The following USP5 variants were observed in gnomAD, a reference collection of about 807,000 sequenced individuals.
USP5 encodes ubiquitin carboxyl-terminal hydrolase 5.
USP5 carries 24 observed loss-of-function variants against 102.5 expected under a neutral mutation model. The observed-to-expected ratio is 0.23, with a 90% CI of 0.17 to 0.33. The LOEUF (loss-of-function observed/expected upper bound fraction) is 0.33, where lower values mean the gene tolerates loss of function less well. Among genes scored for constraint, USP5 ranks in the 10% least tolerant of loss-of-function variants. The pLI is 1.00. For missense variants in USP5, 753 were observed against 1,122.1 expected (o/e 0.67, Z 4.70); for synonymous variants, 460 against 434.8 (o/e 1.06, Z -0.72).
At position 6,860,179 on chromosome 12, in the gene USP5, G is replaced by A; in HGVS notation, c.1159G>A (p.Gly387Arg). The A allele has an allele frequency of 6.2e-7, 1 of 1,607,246 alleles. No individual in the cohort carries two copies. The highest frequency in any genetic ancestry group is 8.5e-7 in the Non-Finnish European group (1 of 1,178,140). The change falls in exon 10 of 20, where the codon GGG (glycine) becomes AGG (arginine). Residue 387 changes from glycine to arginine, a missense_variant. Physicochemically the swap from Gly to Arg is moderately radical, Grantham distance 125. Transcript: ENST00000229268. This position sits in a 1 kb window ranked among gnomAD's most constrained non-coding sequence, Gnocchi z 5.5. The stretch of plus-strand genomic sequence containing the variant: ...CAAGCTGGGCCATGGCCTTCTCTCC[G>A]GGGAGTATTCCAAGCCAGTACCGGA... ...VAKLGHGLLS[G>R]EYSKPVPESG...
At position 6,866,015 on chromosome 12, in the gene USP5, G is replaced by A. The variant is rs1296603713; in HGVS notation, c.2515G>A (p.Ala839Thr). ...WVIYNDQKVC[A>T]SEKPPKDLGY... Reference sequence around the variant, plus strand: ...GATCTACAATGACCAGAAAGTGTGTGCCTCCGAGAAGCCGCCCAAGGACCT... The same window carrying A: ...GATCTACAATGACCAGAAAGTGTGTACCTCCGAGAAGCCGCCCAAGGACCT... Residue 839 changes from alanine to threonine, a missense_variant, in exon 20 of 20, where the codon GCC becomes ACC. Ala to Thr is a moderately conservative substitution (Grantham distance 58). Around this residue, in one of 3 missense-constraint regions of USP5, gnomAD observed 33 missense variants for 75.3 expected, o/e 0.44. Transcript: ENST00000229268. The surrounding 1 kb of genome is among the most constrained non-coding windows in gnomAD (Gnocchi z 4.7). 2 of 1,614,140 alleles carry A rather than the reference G, an allele frequency of 1.2e-6. No individual in the cohort carries two copies. Among genetic ancestry groups the A allele is most frequent in the East Asian group, 4.5e-5 (2 of 44,888 alleles).
rs1555129914 is a variant in USP5 at position 6,863,171 on chromosome 12, AC to A, written c.1763-12del. ...TAGGCCTCCGGGAGCTGCTGAGGTG[AC>A]CCTTTTCCCACAGATGTGTCCATCG... is the stretch of plus-strand genomic sequence containing the variant. On this transcript the variant is annotated splice_polypyrimidine_tract_variant and intron_variant, in intron 14 of 19. Transcript: ENST00000229268. The surrounding 1 kb of genome is among the most constrained non-coding windows in gnomAD (Gnocchi z 4.7). The A allele has an allele frequency of 1.3e-6, 2 of 1,599,738 alleles. No individual in the cohort carries two copies. The highest frequency in any genetic ancestry group is 2.2e-5 in the East Asian group (1 of 44,676).
chr12:6,852,240 G>C lies in USP5; in HGVS notation c.61G>C (p.Ala21Pro), dbSNP rs200956770. The C allele has an allele frequency of 1.9e-6, 3 of 1,613,136 alleles. No individual in the cohort carries two copies. Among genetic ancestry groups the C allele is most frequent in the African/African-American group, 1.3e-5 (1 of 74,928 alleles). The change falls in exon 1 of 20, where the codon GCT becomes CCT. Residue 21 changes from alanine (A) to proline (P), a missense_variant. This residue lies in a region of USP5 where 527 missense variants were observed against 816.5 expected (regional missense o/e 0.65). Coordinates refer to ENST00000229268, the MANE Select transcript of USP5 (RefSeq NM_001098536.2). ...SVLPTIRVPK[A>P]GDRVHKDECA... Reference sequence around the variant, plus strand: ...ATTACCGACGATCCGGGTCCCTAAGGCTGGAGACCGGGTCCACAAAGACGA... The same window carrying C: ...ATTACCGACGATCCGGGTCCCTAAGCCTGGAGACCGGGTCCACAAAGACGA...
rs1944333715 is a variant in USP5, at chr12:6,863,418, A to G, written c.1954+41A>G. ...TCCTGCCTGTCTCTCTCCCGTGCTGATGGGGGCCTCTCTGCCTTGCATCCC... is the reference window on the plus strand; with the variant it reads ...TCCTGCCTGTCTCTCTCCCGTGCTGGTGGGGGCCTCTCTGCCTTGCATCCC... On this transcript the variant is annotated intron_variant, in intron 15 of 19. Transcript: ENST00000229268. The surrounding 1 kb of genome is among the most constrained non-coding windows in gnomAD (Gnocchi z 4.7). 1.3e-6 allele frequency: 2 copies of G among 1,588,136 alleles called. No individual in the cohort carries two copies. The highest frequency in any genetic ancestry group is 8.6e-7 in the Non-Finnish European group (1 of 1,163,726).
Position 6,852,203 on chromosome 12 carries a change from G to A in USP5, c.24G>A (p.Ala8=), listed in dbSNP as rs1555127001. 6.2e-7 allele frequency: 1 copy of A among 1,612,416 alleles called. No individual in the cohort carries two copies. Among genetic ancestry groups the A allele is most frequent in the Non-Finnish European group, 8.5e-7 (1 of 1,179,456 alleles). Residue 8 remains alanine (A), a synonymous_variant, in exon 1 of 20, where the codon GCG becomes GCA. Coordinates refer to ENST00000229268, the MANE Select transcript of USP5 (RefSeq NM_001098536.2). ...TCATGGCGGAGCTGAGTGAGGAGGC[G>A]CTGCTGTCAGTATTACCGACGATCC... MAELSEE[A]LLSVLPTIRV... is the part of the protein sequence containing the mutation.
At position 6,861,512 on chromosome 12, in the gene USP5, T is replaced by C. The variant is rs782790631; in HGVS notation, c.1568T>C (p.Val523Ala). ...GAGAAGATGGCACTGCCAGAACTGG[T>C]TCGGGCCCAGGTGCCCTTCAGCTCT... ...EEEKMALPEL[V>A]RAQVPFSSCL... The change falls in exon 13 of 20, where the codon GTT becomes GCT. Residue 523 changes from valine (V) to alanine (A), a missense_variant. Around this residue, in one of 3 missense-constraint regions of USP5, gnomAD observed 527 missense variants for 816.5 expected, o/e 0.65. Coordinates refer to ENST00000229268, the MANE Select transcript of USP5 (RefSeq NM_001098536.2). This position sits in a 1 kb window ranked among gnomAD's most constrained non-coding sequence, Gnocchi z 4.9. 6.2e-7 allele frequency: 1 copy of C among 1,602,102 alleles called. No individual in the cohort carries two copies. Among genetic ancestry groups the C allele is most frequent in the South Asian group, 1.1e-5 (1 of 90,724 alleles).
rs782075805 is a variant in USP5 at position 6,858,096 on chromosome 12, C to T, written c.865-328C>T. Among the ~76,000 whole-genome samples the T allele has an allele frequency of 3.3e-5, 5 of 152,318 alleles. No homozygotes were observed. The highest frequency in any genetic ancestry group is 9.6e-5 in the African/African-American group (4 of 41,572). On this transcript the variant is annotated intron_variant, in intron 7 of 19. Coordinates refer to ENST00000229268, the MANE Select transcript of USP5 (RefSeq NM_001098536.2). The surrounding 1 kb of genome is among the most constrained non-coding windows in gnomAD (Gnocchi z 4.2). ...GGGTGGCCTGGCCTAGTTTAGGGAT[C>T]AGGGACATTTCCCTGAGGAAGCGAT...
In USP5 at chr12:6,864,152, T is replaced by C; in HGVS notation, c.2201T>C (p.Met734Thr). The change falls in exon 17 of 20, where the codon ATG becomes ACG. Residue 734 changes from methionine to threonine, a missense_variant. Around this residue, in one of 3 missense-constraint regions of USP5, gnomAD observed 193 missense variants for 230.2 expected, o/e 0.84. Transcript: ENST00000229268. This position sits in a 1 kb window ranked among gnomAD's most constrained non-coding sequence, Gnocchi z 4.8. ...GACTGTGTGACCACCATTGTCTCCA[T>C]GGGCTTCTCCCGGGACCAGGCCTTG... ...PEDCVTTIVS[M>T]GFSRDQALKA... 1 of 1,613,784 alleles carries C rather than the reference T, an allele frequency of 6.2e-7. No homozygotes were observed. The highest frequency in any genetic ancestry group is 8.5e-7 in the Non-Finnish European group (1 of 1,179,826).
Position 6,863,496 on chromosome 12 carries a change from C to T in USP5, c.1954+119C>T, listed in dbSNP as rs1461689061. ...TCCTCCCTTTCAAATTTCCTCTGCC[C>T]TCTTTGATTGACATGGGGCCTCCCC... is the stretch of plus-strand genomic sequence containing the variant. On this transcript the variant is annotated intron_variant, in intron 15 of 19. Coordinates refer to ENST00000229268, the MANE Select transcript of USP5 (RefSeq NM_001098536.2). The surrounding 1 kb of genome is among the most constrained non-coding windows in gnomAD (Gnocchi z 4.7). 1.5e-6 allele frequency: 2 copies of T among 1,294,884 alleles called. No homozygotes were observed. Among genetic ancestry groups the T allele is most frequent in the East Asian group, 2.4e-5 (1 of 42,302 alleles). The allele number at this position is 1,294,884 out of a possible 1,614,324, so 80.2% of individuals were successfully genotyped here. A position where few individuals can be genotyped will look rare whatever the true frequency, so the allele number is the denominator to read the frequency against.
intron 6 of USP5, 110 bp from the exon 7 acceptor site, chr12:6,857,519 T>C: frequency 1.1e-6 from 1 of 878,162 alleles, no homozygotes. Context: ...AGGGTGGACC[T>C]TACTGGCTCT....
At chr12:6,865,946 A>C in intron 19 of USP5, 38 bp from the exon 20 acceptor site, 1 of 1,577,750 alleles carries the variant, frequency 6.3e-7, no homozygotes, top group Non-Finnish European at 8.7e-7. Flanking sequence ...TTGAATGCCC[A>C]GTTTGTTCAT....
Position 6,864,942 on chromosome 12 carries a change from A to C in USP5, c.2398+67A>C. On this transcript the variant is annotated intron_variant, in intron 18 of 19. Transcript: ENST00000229268. This position sits in a 1 kb window ranked among gnomAD's most constrained non-coding sequence, Gnocchi z 4.8. ...GTCAGTCTACTACACCAGATCCCTC[A>C]TTCAGGCAGCTCTGCCCTCCTCAGG... 3.2e-6 allele frequency: 5 copies of C among 1,563,716 alleles called. No homozygotes were observed. Among genetic ancestry groups the C allele is most frequent in the Non-Finnish European group, 4.3e-6 (5 of 1,151,936 alleles).
intron 7 of USP5, 23 bp downstream of exon 7, chr12:6,857,746 ATTC>A: frequency 1.2e-6 from 2 of 1,612,998 alleles, no homozygotes; most frequent in South Asian, 1.1e-5. Context: ...TCAACTTCAG[ATTC>A]TTCTACTTCC....
chr12:6,856,001 T>C lies in USP5; in HGVS notation c.305-16T>C, dbSNP rs1565529785. ...TGTCATTGCTCTACTCTCCCTCTTC[T>C]TCCCTATCCTTCCAGGTGTTGAAGG... On this transcript the variant is annotated splice_polypyrimidine_tract_variant and intron_variant, in intron 3 of 19. Transcript: ENST00000229268. This position sits in a 1 kb window ranked among gnomAD's most constrained non-coding sequence, Gnocchi z 5.6. 1 of 1,614,130 alleles carries C rather than the reference T, an allele frequency of 6.2e-7. No individual in the cohort carries two copies.
chr12:6,860,113 T>C lies in USP5; in HGVS notation c.1131-38T>C, dbSNP rs1279354403. The C allele has an allele frequency of 3.1e-6, 5 of 1,604,732 alleles. No homozygotes were observed. Among genetic ancestry groups the C allele is most frequent in the South Asian group, 1.1e-5 (1 of 89,644 alleles). On this transcript the variant is annotated intron_variant, in intron 9 of 19. Coordinates refer to ENST00000229268, the MANE Select transcript of USP5 (RefSeq NM_001098536.2). The surrounding 1 kb of genome is among the most constrained non-coding windows in gnomAD (Gnocchi z 5.5). ...AGCTGGGGACACACAGGGTCGTTAG[T>C]TGACTGAAGTGAAATGTTTTCTTGG...
Position 6,864,810 on chromosome 12 carries a change from G to A in USP5, c.2333G>A (p.Arg778His), listed in dbSNP as rs782752726. 5.0e-6 allele frequency: 8 copies of A among 1,613,910 alleles called. No individual in the cohort carries two copies. Among genetic ancestry groups the A allele is most frequent in the Admixed American group, 1.7e-5 (1 of 60,016 alleles). Residue 778 changes from arginine (R) to histidine (H), a missense_variant, in exon 18 of 20, where the codon CGC (arginine) becomes CAC (histidine). Arg to His is a conservative substitution (Grantham distance 29, BLOSUM62 0). This residue lies in a region of USP5 where 193 missense variants were observed against 230.2 expected (regional missense o/e 0.84). Coordinates refer to ENST00000229268, the MANE Select transcript of USP5 (RefSeq NM_001098536.2). The surrounding 1 kb of genome is among the most constrained non-coding windows in gnomAD (Gnocchi z 4.8). Reference protein sequence around the residue: ...AEAAMDISEGRSAADSISESV... With the variant: ...AEAAMDISEGHSAADSISESV... ...GCTGCCATGGACATCTCAGAGGGCC[G>A]CTCAGCTGCCGACTCCATCTCTGAG...
Position 6,864,791 on chromosome 12 carries a change from A to G in USP5, c.2314A>G (p.Met772Val). 6.2e-7 allele frequency: 1 copy of G among 1,613,886 alleles called. No homozygotes were observed. Residue 772 changes from methionine (M) to valine (V), a missense_variant, in exon 18 of 20, where the codon ATG becomes GTG. Met to Val is a conservative substitution (Grantham distance 21). Around this residue, in one of 3 missense-constraint regions of USP5, gnomAD observed 193 missense variants for 230.2 expected, o/e 0.84. Transcript: ENST00000229268. The surrounding 1 kb of genome is among the most constrained non-coding windows in gnomAD (Gnocchi z 4.8). ...HIDDLDAEAA[M>V]DISEGRSAAD... ...TGACGACCTGGATGCTGAAGCTGCC[A>G]TGGACATCTCAGAGGGCCGCTCAGC...
chr12:6,860,416 G>T lies in USP5; in HGVS notation c.1269G>T (p.Lys423Asn). 6.2e-7 allele frequency: 1 copy of T among 1,614,146 alleles called. No homozygotes were observed. The highest frequency in any genetic ancestry group is 8.5e-7 in the Non-Finnish European group (1 of 1,180,040). ...APRMFKALIG[K>N]GHPEFSTNRQ... Reference sequence around the variant, plus strand: ...GGATGTTCAAGGCCCTCATCGGCAAGGGCCACCCTGAATTCTCCACCAACC... The same window carrying T: ...GGATGTTCAAGGCCCTCATCGGCAATGGCCACCCTGAATTCTCCACCAACC... The change falls in exon 11 of 20, where the codon AAG becomes AAT. Residue 423 changes from lysine to asparagine, a missense_variant. This residue lies in a region of USP5 where 527 missense variants were observed against 816.5 expected (regional missense o/e 0.65). Transcript: ENST00000229268. This position sits in a 1 kb window ranked among gnomAD's most constrained non-coding sequence, Gnocchi z 5.5.
In USP5 at chr12:6,864,633, G is replaced by A. The variant is rs1591611698; in HGVS notation, c.2245-89G>A. On this transcript the variant is annotated intron_variant, in intron 17 of 19. Coordinates refer to ENST00000229268, the MANE Select transcript of USP5 (RefSeq NM_001098536.2). This position sits in a 1 kb window ranked among gnomAD's most constrained non-coding sequence, Gnocchi z 4.8. ...GAACCCGGGAGGCGGAGCTTGCAGT[G>A]AGCCGAGATCGCGCCACTGCACTCC... 1 of 1,446,706 alleles carries A rather than the reference G, an allele frequency of 6.9e-7. No individual in the cohort carries two copies. The highest frequency in any genetic ancestry group is 9.4e-7 in the Non-Finnish European group (1 of 1,068,940). The allele number at this position is 1,446,706 out of a possible 1,614,324, so 89.6% of individuals were successfully genotyped here.
Sources: allele counts gnomAD v4.1 joint callset (sites outside exome capture counted in the v4.1 genomes callset), GRCh38; gene constraint gnomAD v4.1.1; regional missense constraint gnomAD v4.1.1; non-coding constraint Gnocchi (gnomAD v3.1); transcripts MANE v1.5; gene names NCBI Gene and HGNC (gene_info 2026-07-23, HGNC 2026-07-21).